Variants in UBR1 observed in about 807,000 individuals in gnomAD.
UBR1 encodes the protein ubiquitin protein ligase E3 component n-recognin 1, also known as E3 ubiquitin-protein ligase UBR1.
Under a neutral mutation model 242.1 loss-of-function variants are expected in UBR1, and 102 were observed. The observed-to-expected ratio is 0.42, with a 90% CI of 0.36 to 0.50. The LOEUF (loss-of-function observed/expected upper bound fraction) is 0.50. Among genes scored for constraint, UBR1 ranks in the 20% least tolerant of loss-of-function variants. The pLI is 0.01. For missense variants in UBR1, 1,772 were observed against 2,101.8 expected, an observed-to-expected ratio of 0.84 and a Z score of 3.07; for synonymous variants, 675 against 684.8, an observed-to-expected ratio of 0.99 and a Z score of 0.22.
intron 23 of UBR1, 54 bp downstream of exon 23, chr15:43,026,507 T>C: frequency 6.6e-7 from 1 of 1,510,030 alleles, no homozygotes; most frequent in South Asian, 1.1e-5. Context: ...TTCTGTGGAG[T>C]TAGAAAGCAT....
At chr15:42,968,680 G>A (rs2032152667) in intron 40 of UBR1, among the ~76,000 whole-genome samples, 1 of 151,804 alleles carries the variant, frequency 6.6e-6, no homozygotes, top group Admixed American at 6.6e-5. Context: ...TTTTCCCCCA[G>A]CCCCTGACAG....
intron 4 of UBR1, among the ~76,000 whole-genome samples, chr15:43,073,677 T>C (rs1235359290): frequency 6.6e-6 from 1 of 152,266 alleles, no homozygotes. Context: ...GATTTTTATA[T>C]ATTCAATGTG....
intron 30 of UBR1, among the ~76,000 whole-genome samples, chr15:43,005,761 T>C (rs1309795802): frequency 2.0e-5 from 3 of 151,984 alleles, no homozygotes; most frequent in African/African-American, 7.3e-5. Context: ...TCTTCTGCCT[T>C]GGGATGCTGT....
intron 40 of UBR1, among the ~76,000 whole-genome samples, chr15:42,969,226 G>C (rs1418796361): frequency 6.6e-6 from 1 of 152,184 alleles, no homozygotes; most frequent in East Asian, 1.9e-4. Context: ...GGCATGAAAT[G>C]GTATCCCATT....
At chr15:43,096,968 G>C (rs1267302205) in intron 1 of UBR1, among the ~76,000 whole-genome samples, 2 of 151,974 alleles carry the variant, frequency 1.3e-5, no homozygotes, top group South Asian at 2.1e-4. Context: ...ATGGCATCTA[G>C]AATGCTGAAT....
At chr15:43,036,141 C>T (rs2141316526) in intron 19 of UBR1, 37 bp downstream of exon 19, 1 of 1,475,532 alleles carries the variant, frequency 6.8e-7, no homozygotes, top group East Asian at 2.3e-5. Flanking sequence ...ACAATATTTC[C>T]TTTAAAATTA....
At chr15:43,084,550 G>A (rs1192543300) in intron 2 of UBR1, among the ~76,000 whole-genome samples, 1 of 152,144 alleles carries the variant, frequency 6.6e-6, no homozygotes, top group African/African-American at 2.4e-5. Context: ...TCTGTCTCCC[G>A]GGTTCAAGCA....
intron 43 of UBR1, among the ~76,000 whole-genome samples, chr15:42,959,997 T>A (rs1409205113): frequency 6.6e-6 from 1 of 152,214 alleles, no homozygotes; most frequent in Non-Finnish European, 1.5e-5. Context: ...TTAGACACCG[T>A]ATACAATACC....
intron 46 of UBR1, among the ~76,000 whole-genome samples, chr15:42,948,326 C>A (rs1033863367): frequency 6.6e-6 from 1 of 151,960 alleles, no homozygotes; most frequent in Non-Finnish European, 1.5e-5. Context: ...ACCATAAAAA[C>A]CCTAGAAGAA....
At chr15:43,007,318 T>C (rs1448343172) in intron 29 of UBR1, 34 bp from the exon 30 acceptor site, 3 of 1,605,294 alleles carry the variant, frequency 1.9e-6, no homozygotes, top group South Asian at 1.1e-5. Context: ...TGAGGACACA[T>C]GTTTTGGTCA....
At chr15:42,946,620 A>G (rs1476578841) in intron 46 of UBR1, among the ~76,000 whole-genome samples, 2 of 152,184 alleles carry the variant, frequency 1.3e-5, no homozygotes, top group Non-Finnish European at 2.9e-5. Context: ...TAATAAGTGT[A>G]TTCTTTCTGA....
chr15:43,076,092 A>G (rs1426241188), intron 3 of UBR1, among the ~76,000 whole-genome samples: 2 of 151,122 alleles, frequency 1.3e-5, no homozygotes. Flanking sequence ...CTCCTGCCTC[A>G]GCCTGCAGAG....
In UBR1 at chr15:43,059,120, C is replaced by G; in HGVS notation, c.1058G>C (p.Ser353Thr). The G allele has an allele frequency of 1.2e-6, 2 of 1,614,152 alleles. No homozygotes were observed. The highest frequency in any genetic ancestry group is 1.7e-6 in the Non-Finnish European group (2 of 1,180,020). ...EPDSENPCLISRLMLWDAKLY... is the reference protein window; with the variant it reads ...EPDSENPCLITRLMLWDAKLY... ...CTTTGCATCCCAAAGCATTAACCTG[C>G]TTATGAGACAGGGATTCTCCGAGTC... The change falls in exon 9 of 47, where the codon AGC becomes ACC. Residue 353 changes from serine to threonine, a missense_variant. Coordinates refer to ENST00000290650, the MANE Select transcript of UBR1 (RefSeq NM_174916.3).
intron 15 of UBR1, 42 bp from the exon 16 acceptor site, chr15:43,038,274 C>T: frequency 6.3e-7 from 1 of 1,587,830 alleles, no homozygotes; most frequent in South Asian, 1.1e-5. Flanking sequence ...AAAACAAACC[C>T]AATTTGTTAA....
intron 35 of UBR1, among the ~76,000 whole-genome samples, chr15:42,986,667 G>A (rs2032464221): frequency 6.6e-6 from 1 of 152,102 alleles, no homozygotes; most frequent in African/African-American, 2.4e-5. Flanking sequence ...ATAAACTGAT[G>A]TATTATCCTA....
intron 41 of UBR1, among the ~76,000 whole-genome samples, chr15:42,964,482 A>C (rs977125213): frequency 7.9e-5 from 12 of 152,224 alleles, no homozygotes; most frequent in African/African-American, 1.7e-4. Context: ...AAAAAAACAA[A>C]AAACAAACAA....
At chr15:43,059,027 T>C (rs2033650940) in intron 9 of UBR1, 58 bp downstream of exon 9, 1 of 1,358,146 alleles carries the variant, frequency 7.4e-7, no homozygotes, top group African/African-American at 1.4e-5. Flanking sequence ...CAGCTCCACT[T>C]TAAGGTCATA....
intron 43 of UBR1, among the ~76,000 whole-genome samples, chr15:42,960,311 A>C (rs893623441): frequency 1.1e-4 from 16 of 152,208 alleles, no homozygotes; most frequent in Admixed American, 8.5e-4. Context: ...TGGCTTATAG[A>C]AATATTGTAA....
intron 42 of UBR1, among the ~76,000 whole-genome samples, chr15:42,963,267 G>A (rs184334993): frequency 6.6e-6 from 1 of 151,892 alleles, no homozygotes; most frequent in African/African-American, 2.4e-5. Context: ...ACTGACCTGG[G>A]TATTTAAAAA....
Sources: allele counts gnomAD v4.1 joint callset (sites outside exome capture counted in the v4.1 genomes callset), GRCh38; gene constraint gnomAD v4.1.1; transcripts MANE v1.5; gene names NCBI Gene and HGNC (gene_info 2026-07-23, HGNC 2026-07-21).